The following HSPA4 variants were observed in gnomAD, a reference collection of about 807,000 sequenced individuals.
The protein encoded by HSPA4 is heat shock protein family A (Hsp70) member 4.
In HSPA4, 25 loss-of-function variants were observed where a neutral mutation model predicts 106.2. The observed-to-expected ratio is 0.24, with a 90% CI of 0.17 to 0.33. The LOEUF (loss-of-function observed/expected upper bound fraction) is 0.33. HSPA4 is among the 10% of genes least tolerant of loss of function. The pLI, the probability that HSPA4 is intolerant of heterozygous loss-of-function variation, is 1.00. For synonymous variants in HSPA4, 332 were observed against 333.6 expected (o/e 1.00, Z 0.05); for missense variants, 841 against 996.0 (o/e 0.84, Z 2.10).
In HSPA4 at chr5:133,103,946, A is replaced by G. The variant is rs762958439; in HGVS notation, c.2239A>G (p.Asn747Asp). ...AAATGAAGCAATGGAGTGGATGAATAACAAGCTAAATCTGCAGAACAAGCA... is the reference window on the plus strand; with the variant it reads ...AAATGAAGCAATGGAGTGGATGAATGACAAGCTAAATCTGCAGAACAAGCA... ...STNEAMEWMN[N>D]KLNLQNKQSL... is the part of the protein sequence containing the mutation. Residue 747 changes from asparagine to aspartate, a missense_variant, in exon 18 of 19, where the codon AAC becomes GAC. Transcript: ENST00000304858. The G allele has an allele frequency of 8.4e-5, 136 of 1,613,990 alleles. No homozygotes were observed. Among genetic ancestry groups the G allele is most frequent in the Non-Finnish European group, 1.1e-4 (128 of 1,179,960 alleles).
intron 2 of HSPA4, 88 bp downstream of exon 2, chr5:133,065,125 A>C: frequency 1.3e-5 from 14 of 1,061,054 alleles, no homozygotes; most frequent in Non-Finnish European, 1.9e-5. Context: ...TATGTGCCTA[A>C]CACTGGTAGG....
Position 133,076,672 on chromosome 5 carries a change from G to T in HSPA4, c.682G>T (p.Asp228Tyr). The T allele has an allele frequency of 1.2e-6, 2 of 1,613,384 alleles. No individual in the cohort carries two copies. The highest frequency in any genetic ancestry group is 2.2e-5 in the South Asian group (2 of 90,998). Residue 228 changes from aspartate (D) to tyrosine (Y), a missense_variant, in exon 7 of 19, where the codon GAC becomes TAC. By Grantham distance (160) the Asp-to-Tyr change is radical (BLOSUM62 -3). Around this residue, in one of 5 missense-constraint regions of HSPA4, gnomAD observed 347 missense variants for 408.7 expected, o/e 0.85. Coordinates refer to ENST00000304858, the MANE Select transcript of HSPA4 (RefSeq NM_002154.4). Reference sequence around the variant, plus strand: ...CCTTAAGGTTCTGGCCACTGCATTTGACACGACATTGGGAGGTAGAAAATT... The same window carrying T: ...CCTTAAGGTTCTGGCCACTGCATTTTACACGACATTGGGAGGTAGAAAATT... ...GKLKVLATAF[D>Y]TTLGGRKFDE...
At chr5:133,058,308 G>A (rs757436348) in intron 1 of HSPA4, among the ~76,000 whole-genome samples, 12 of 152,180 alleles carry the variant, frequency 7.9e-5, no homozygotes, top group Non-Finnish European at 1.6e-4. Context: ...CTTGAGGTTA[G>A]TGATCAAGGC....
intron 3 of HSPA4, among the ~76,000 whole-genome samples, chr5:133,069,895 T>C (rs1339413050): frequency 6.6e-6 from 1 of 152,194 alleles, no homozygotes; most frequent in African/African-American, 2.4e-5. Flanking sequence ...CTATGCGTGG[T>C]GGCTCATGCC....
At chr5:133,067,608 A>G (rs1306410930) in intron 3 of HSPA4, 51 bp downstream of exon 3, 1 of 1,425,584 alleles carries the variant, frequency 7.0e-7, no homozygotes, top group African/African-American at 1.4e-5. Context: ...ATTATATTTT[A>G]TCAGTTCAAT....
chr5:133,058,988 T>C (rs957656271), intron 1 of HSPA4, among the ~76,000 whole-genome samples: 6 of 150,592 alleles, frequency 4.0e-5, no homozygotes, highest in African/African-American at 1.5e-4. Flanking sequence ...ATTAGCTGGG[T>C]GTGGTGGCAC....
intron 12 of HSPA4, among the ~76,000 whole-genome samples, chr5:133,091,706 T>C (rs373323302): frequency 2.2e-4 from 34 of 152,226 alleles, no homozygotes; most frequent in African/African-American, 8.2e-4. Context: ...GTTGGAATTA[T>C]GCACTGGGTC....
At chr5:133,068,383 G>A (rs1307894271) in intron 3 of HSPA4, among the ~76,000 whole-genome samples, 1 of 151,900 alleles carries the variant, frequency 6.6e-6, no homozygotes, top group Non-Finnish European at 1.5e-5. Context: ...TGGATAGGGT[G>A]GACACATTTG....
chr5:133,068,866 C>G (rs112575501), intron 3 of HSPA4, among the ~76,000 whole-genome samples: 2,267 of 151,902 alleles, frequency 0.015, 27 homozygotes, highest in Middle Eastern at 0.037. Context: ...CAAGTAGATG[C>G]AAGTCTAAAA....
At chr5:133,070,175 A>AAAT (rs933991903) in intron 3 of HSPA4, among the ~76,000 whole-genome samples, 199 bp from the exon 4 acceptor site, 6 of 151,890 alleles carry the variant, frequency 4.0e-5, no homozygotes, top group East Asian at 1.9e-4. Flanking sequence ...CCTGCCTCCA[A>AAAT]AATAATAATA....
chr5:133,091,598 C>T (rs73272718), intron 12 of HSPA4, among the ~76,000 whole-genome samples: 3,456 of 152,286 alleles, frequency 0.023, 132 homozygotes, highest in African/African-American at 0.075. Flanking sequence ...TCAGATCATA[C>T]ACTTCTCAAC....
chr5:133,054,418 G>A (rs571412882), intron 1 of HSPA4, among the ~76,000 whole-genome samples: 1 of 152,226 alleles, frequency 6.6e-6, no homozygotes, highest in East Asian at 1.9e-4. Context: ...TGGCCAGGGT[G>A]GGCTCGAACT....
At chr5:133,062,996 A>G (rs1190755747) in intron 1 of HSPA4, among the ~76,000 whole-genome samples, 2 of 152,216 alleles carry the variant, frequency 1.3e-5, no homozygotes, top group Non-Finnish European at 2.9e-5. Context: ...GACTTGGAAG[A>G]ATTAGGAGTT....
chr5:133,071,284 CAAAAAA>C (rs755520266), intron 4 of HSPA4, among the ~76,000 whole-genome samples: 21 of 62,090 alleles, frequency 3.4e-4, no homozygotes, highest in Admixed American at 1.9e-3. Context: ...CTGTCTTTAC[CAAAAAA>C]AAAAAAAAAA....
chr5:133,083,815 G>C (rs1371250277), intron 7 of HSPA4, among the ~76,000 whole-genome samples: 1 of 152,174 alleles, frequency 6.6e-6, no homozygotes, highest in African/African-American at 2.4e-5. Context: ...GGGATTACAG[G>C]TGTGAGCTAC....
At chr5:133,104,208 C>G in intron 18 of HSPA4, 25 bp from the exon 19 acceptor site, 3 of 1,603,084 alleles carry the variant, frequency 1.9e-6, no homozygotes, top group Non-Finnish European at 2.6e-6. Flanking sequence ...TATAAGAAAC[C>G]AGTTTTCTGT....
At chr5:133,076,447 G>C (rs1765446741) in intron 6 of HSPA4, among the ~76,000 whole-genome samples, 3 of 152,208 alleles carry the variant, frequency 2.0e-5, no homozygotes. Flanking sequence ...GTCTAGGTCT[G>C]TAGCATTATC....
chr5:133,092,771 A>G lies in HSPA4; in HGVS notation c.1632A>G (p.Ala544=), dbSNP rs751448376. The change falls in exon 13 of 19, where the codon GCA becomes GCG. Residue 544 remains alanine, a synonymous_variant. Coordinates refer to ENST00000304858, the MANE Select transcript of HSPA4 (RefSeq NM_002154.4). ...QQQQTPAENK[A]ESEEMETSQA... ...AGCAGACACCAGCAGAAAATAAGGC[A>G]GAGTCTGAAGAAATGGAGGTATGCA... 6.7e-7 allele frequency: 1 copy of G among 1,496,978 alleles called. No individual in the cohort carries two copies. The highest frequency in any genetic ancestry group is 9.3e-7 in the Non-Finnish European group (1 of 1,077,986). 92.7% of individuals were successfully genotyped at this position (1,496,978 alleles called of 1,614,324 possible). A position where few individuals can be genotyped will look rare whatever the true frequency, so the allele number is the denominator to read the frequency against.
At chr5:133,061,938 A>G (rs566467477) in intron 1 of HSPA4, among the ~76,000 whole-genome samples, 2 of 152,070 alleles carry the variant, frequency 1.3e-5, no homozygotes, top group African/African-American at 4.8e-5. Flanking sequence ...CCGGTAAACG[A>G]TTACTTTTTA....
Sources: allele counts gnomAD v4.1 joint callset (sites outside exome capture counted in the v4.1 genomes callset), GRCh38; gene constraint gnomAD v4.1.1; regional missense constraint gnomAD v4.1.1; transcripts MANE v1.5; gene names NCBI Gene and HGNC (gene_info 2026-07-23, HGNC 2026-07-21).